Variants in SEMA5A observed in about 807,000 individuals in gnomAD.
The protein encoded by SEMA5A is semaphorin 5A.
In SEMA5A, 55 loss-of-function variants were observed where a neutral mutation model predicts 135.5. The ratio of observed to expected loss-of-function variants is 0.41; its 90% confidence interval spans 0.33 to 0.51. The LOEUF is 0.51. Among genes scored for constraint, SEMA5A ranks in the 20% least tolerant of loss-of-function variants. The pLI, the probability that SEMA5A is intolerant of heterozygous loss-of-function variation, is 0.37. For synonymous variants in SEMA5A, 580 were observed against 546.5 expected (o/e 1.06, Z -0.85); for missense variants, 1,290 against 1,419.9 (o/e 0.91, Z 1.47).
chr5:9,285,823 G>T (rs902147850), intron 5 of SEMA5A, among the ~76,000 whole-genome samples: 1 of 152,244 alleles, frequency 6.6e-6, no homozygotes, highest in South Asian at 2.1e-4. Flanking sequence ...GGTGATGGCT[G>T]CTTCATGGGG....
chr5:9,069,439 C>A (rs1737652962), intron 16 of SEMA5A, among the ~76,000 whole-genome samples: 1 of 152,144 alleles, frequency 6.6e-6, no homozygotes, highest in Non-Finnish European at 1.5e-5. Flanking sequence ...GAAAAATCAA[C>A]CCCTCTAACA....
At chr5:9,092,145 G>A (rs1028661027) in intron 16 of SEMA5A, among the ~76,000 whole-genome samples, 2 of 152,138 alleles carry the variant, frequency 1.3e-5, no homozygotes, top group African/African-American at 4.8e-5. Context: ...CATCCTGAGC[G>A]ATGCCTCATA....
chr5:9,353,850 A>G (rs1408274083), intron 3 of SEMA5A, among the ~76,000 whole-genome samples: 2 of 152,106 alleles, frequency 1.3e-5, no homozygotes, highest in Non-Finnish European at 1.5e-5. Context: ...AGCACAGCCT[A>G]TTAGTTAATA....
At chr5:9,436,570 A>T (rs536832157) in intron 2 of SEMA5A, among the ~76,000 whole-genome samples, 51 of 152,348 alleles carry the variant, frequency 3.3e-4, no homozygotes, top group Non-Finnish European at 5.3e-4. Flanking sequence ...AAGAGCAGGA[A>T]TGGTCACCAA....
intron 18 of SEMA5A, among the ~76,000 whole-genome samples, chr5:9,058,110 C>T (rs1296981295): frequency 6.6e-6 from 1 of 152,122 alleles, no homozygotes; most frequent in Non-Finnish European, 1.5e-5. Context: ...GGCTGAGCCA[C>T]TAAAATAGAT....
At chr5:9,222,825 T>C (rs541233749) in intron 8 of SEMA5A, among the ~76,000 whole-genome samples, 1 of 152,310 alleles carries the variant, frequency 6.6e-6, no homozygotes, top group African/African-American at 2.4e-5. Context: ...GACCACCTGA[T>C]CAGCTGGTGG....
chr5:9,044,887 C>T (rs966343483), intron 21 of SEMA5A, among the ~76,000 whole-genome samples: 6 of 151,982 alleles, frequency 3.9e-5, no homozygotes, highest in Admixed American at 6.6e-5. Context: ...TGGGTTCAAG[C>T]GATTCTCCTG....
Position 9,535,995 on chromosome 5 carries a change from G to A in SEMA5A, c.-175+9589C>T, listed in dbSNP as rs141144225. Reference sequence around the variant, plus strand: ...CCAACATGAAACCACCCAGGAACAAGACTAGGAGAAAAAGGACACGTGCTC... The same window carrying A: ...CCAACATGAAACCACCCAGGAACAAAACTAGGAGAAAAAGGACACGTGCTC... On this transcript the variant is annotated intron_variant, in intron 1 of 22. Coordinates refer to ENST00000382496, the MANE Select transcript of SEMA5A (RefSeq NM_003966.3). Among the ~76,000 whole-genome samples, 326 of 152,248 alleles carry A rather than the reference G, an allele frequency of 2.1e-3. 5 individuals carry two copies. Among genetic ancestry groups the A allele is most frequent in the African/African-American group, 7.6e-3 (315 of 41,540 alleles).
At position 9,535,572 on chromosome 5, in the gene SEMA5A, TA is replaced by T. The variant is rs3834273; in HGVS notation, c.-175+10011del. Among the ~76,000 whole-genome samples, 334 of 82,878 alleles carry T rather than the reference TA, an allele frequency of 4.0e-3. 3 individuals are homozygous for T. The highest frequency in any genetic ancestry group is 0.034 in the Middle Eastern group (5 of 148). 54.4% of individuals were successfully genotyped at this position (82,878 alleles called of 152,430 possible). On this transcript the variant is annotated intron_variant, in intron 1 of 22. Transcript: ENST00000382496. ...ATACTAGTTTAAAGTATGTGTTGTTTAAAAAAAAAATGCAGGGAGGAGTGGA... is the reference window on the plus strand; with the variant it reads ...ATACTAGTTTAAAGTATGTGTTGTTTAAAAAAAAATGCAGGGAGGAGTGGA...
At chr5:9,343,426 C>T (rs566828359) in intron 3 of SEMA5A, among the ~76,000 whole-genome samples, 1 of 152,028 alleles carries the variant, frequency 6.6e-6, no homozygotes, top group South Asian at 2.1e-4. Context: ...GCTGTGTCTT[C>T]ACCTCCTCAA....
At chr5:9,500,741 C>T (rs1214655902) in intron 1 of SEMA5A, among the ~76,000 whole-genome samples, 1 of 152,136 alleles carries the variant, frequency 6.6e-6, no homozygotes, top group East Asian at 1.9e-4. Context: ...CTGGCAACCC[C>T]ACATGCAGAG....
chr5:9,374,911 T>C (rs1755299364), intron 3 of SEMA5A, among the ~76,000 whole-genome samples: 1 of 152,110 alleles, frequency 6.6e-6, no homozygotes, highest in Admixed American at 6.6e-5. Flanking sequence ...TCCCAGTTGC[T>C]GTGCCCTCCT....
intron 8 of SEMA5A, among the ~76,000 whole-genome samples, chr5:9,202,661 C>T (rs1222705037): frequency 1.3e-5 from 2 of 152,150 alleles, no homozygotes; most frequent in Non-Finnish European, 2.9e-5. Flanking sequence ...GTCTACAATC[C>T]TATTTGTGTG....
intron 1 of SEMA5A, among the ~76,000 whole-genome samples, chr5:9,454,390 T>C (rs1471690065): frequency 6.6e-6 from 1 of 152,246 alleles, no homozygotes; most frequent in Non-Finnish European, 1.5e-5. Flanking sequence ...TGACCAAGGC[T>C]AACCAAGGCT....
intron 5 of SEMA5A, among the ~76,000 whole-genome samples, chr5:9,256,591 T>C (rs1749079920): frequency 6.6e-6 from 1 of 152,224 alleles, no homozygotes; most frequent in African/African-American, 2.4e-5. Flanking sequence ...GCAGCACACT[T>C]ACCAGTTTCT....
intron 5 of SEMA5A, among the ~76,000 whole-genome samples, chr5:9,273,269 G>A (rs941310889): frequency 2.6e-5 from 4 of 152,018 alleles, no homozygotes; most frequent in African/African-American, 9.7e-5. Flanking sequence ...TGAAATAAAG[G>A]TGAAGACAAG....
chr5:9,461,373 A>G (rs1366611912), intron 1 of SEMA5A, among the ~76,000 whole-genome samples: 1 of 152,236 alleles, frequency 6.6e-6, no homozygotes, highest in Non-Finnish European at 1.5e-5. Context: ...AGCTGACACC[A>G]AATGGAAATG....
At chr5:9,399,780 G>T (rs1238538628) in intron 2 of SEMA5A, among the ~76,000 whole-genome samples, 1 of 152,112 alleles carries the variant, frequency 6.6e-6, no homozygotes, top group Non-Finnish European at 1.5e-5. Flanking sequence ...TCAGTCTTGG[G>T]TAAGAGGGGC....
chr5:9,317,020 T>C (rs1438826032), intron 5 of SEMA5A, among the ~76,000 whole-genome samples: 3 of 152,208 alleles, frequency 2.0e-5, no homozygotes, highest in African/African-American at 7.2e-5. Context: ...GTTTGTCTTT[T>C]TAGATTTCAC....
Sources: gnomAD v4.1 joint callset for allele counts (sites outside exome capture counted in the v4.1 genomes callset) on GRCh38, gnomAD v4.1.1 for gene constraint, MANE v1.5 for transcripts, NCBI Gene and HGNC (gene_info 2026-07-23, HGNC 2026-07-21) for gene names.